NALCN: variants seen among roughly 807,000 people sequenced by gnomAD.
NALCN encodes sodium leak channel NALCN.
A neutral mutation model predicts 225.3 loss-of-function variants in NALCN; 111 were observed. The observed-to-expected ratio is 0.49, with a 90% confidence interval of 0.42 to 0.58. The LOEUF (loss-of-function observed/expected upper bound fraction) is 0.58. Among genes scored for constraint, NALCN ranks in the 20% least tolerant of loss-of-function variants. The pLI is 0.00. For synonymous variants in NALCN, 764 were observed against 769.0 expected (o/e 0.99, Z 0.11); for missense variants, 1,378 against 2,202.4 (o/e 0.63, Z 7.49).
At chr13:101,412,045 A>C (rs1572320) in intron 1 of NALCN, among the ~76,000 whole-genome samples, 71,672 of 152,076 alleles carry the variant, frequency 0.47, 20,922 homozygotes, top group East Asian at 0.82. Context: ...GATCACAATG[A>C]TGGTGAAATA....
intron 11 of NALCN, among the ~76,000 whole-genome samples, chr13:101,256,108 C>T (rs1045792472): frequency 3.3e-4 from 50 of 152,282 alleles, no homozygotes; most frequent in Admixed American, 2.8e-3. Context: ...TCTGCCTTGA[C>T]TCCATCAATA....
intron 18 of NALCN, among the ~76,000 whole-genome samples, chr13:101,112,918 T>C (rs1338925818): frequency 6.6e-6 from 1 of 152,082 alleles, no homozygotes; most frequent in Admixed American, 6.6e-5. Context: ...GAAGAACTTA[T>C]ATAATACATC....
At chr13:101,132,930 A>G (rs1433372502) in intron 17 of NALCN, among the ~76,000 whole-genome samples, 7 of 152,164 alleles carry the variant, frequency 4.6e-5, no homozygotes, top group Non-Finnish European at 1.0e-4. Context: ...TTTGTTCTAC[A>G]TATGCATAAT....
At chr13:101,334,292 T>C (rs768492967) in intron 7 of NALCN, among the ~76,000 whole-genome samples, 3 of 147,540 alleles carry the variant, frequency 2.0e-5, no homozygotes, top group Non-Finnish European at 4.4e-5. Context: ...AGAAGGGAGA[T>C]GAGTGCTGCT....
intron 17 of NALCN, among the ~76,000 whole-genome samples, chr13:101,136,347 C>G (rs916301725): frequency 6.6e-6 from 1 of 151,084 alleles, no homozygotes; most frequent in Non-Finnish European, 1.5e-5. Context: ...GGTGCATGTG[C>G]ACAACGTGCA....
At chr13:101,228,378 T>A (rs1302738399) in intron 13 of NALCN, among the ~76,000 whole-genome samples, 1 of 152,212 alleles carries the variant, frequency 6.6e-6, no homozygotes, top group Non-Finnish European at 1.5e-5. Context: ...ATGGTTTGGC[T>A]GTGTCCCCAC....
chr13:101,125,969 A>AAACT (rs1329010781), intron 17 of NALCN, among the ~76,000 whole-genome samples: 3 of 152,236 alleles, frequency 2.0e-5, no homozygotes, highest in Non-Finnish European at 4.4e-5. Flanking sequence ...AGAAGACAGA[A>AAACT]AACTCTGTAT....
rs779922112 is a variant in NALCN, at chr13:101,143,108, A to G, written c.2090T>C (p.Ile697Thr). The G allele has an allele frequency of 6.2e-7, 1 of 1,614,148 alleles. No homozygotes were observed. The highest frequency in any genetic ancestry group is 1.1e-5 in the South Asian group (1 of 91,074). Reference sequence around the variant, plus strand: ...TTGGTCGATGTATTTGTTGTCCTCAATTGCTGAGCGTTTGGAGTGGTCGCA... The same window carrying G: ...TTGGTCGATGTATTTGTTGTCCTCAGTTGCTGAGCGTTTGGAGTGGTCGCA... ...SSCDHSKRSA[I>T]EDNKYIDQKL... Residue 697 changes from isoleucine to threonine, a missense_variant, in exon 17 of 44, where the codon ATT (isoleucine) becomes ACT (threonine). Ile to Thr is a moderately conservative substitution (Grantham distance 89, BLOSUM62 -1). Around this residue, in one of 19 missense-constraint regions of NALCN, gnomAD observed 100 missense variants for 89.4 expected, o/e 1.12. Coordinates refer to ENST00000251127, the MANE Select transcript of NALCN (RefSeq NM_052867.4).
chr13:101,253,310 G>A (rs893466857), intron 11 of NALCN, among the ~76,000 whole-genome samples: 1 of 152,160 alleles, frequency 6.6e-6, no homozygotes, highest in Non-Finnish European at 1.5e-5. Flanking sequence ...TAGACTGTGA[G>A]TTGGCTCTTA....
At chr13:101,064,317 C>A (rs1012095025) in intron 40 of NALCN, among the ~76,000 whole-genome samples, 1 of 152,082 alleles carries the variant, frequency 6.6e-6, no homozygotes, top group Non-Finnish European at 1.5e-5. Context: ...CCTTGCAAGT[C>A]CATGGGCCTC....
At chr13:101,310,981 C>G (rs2044321294) in intron 7 of NALCN, among the ~76,000 whole-genome samples, 1 of 152,084 alleles carries the variant, frequency 6.6e-6, no homozygotes, top group Admixed American at 6.5e-5. Context: ...ATTGATTCTT[C>G]CTACCCATGA....
At chr13:101,397,584 G>T (rs544961729) in intron 2 of NALCN, among the ~76,000 whole-genome samples, 25 of 150,928 alleles carry the variant, frequency 1.7e-4, no homozygotes, top group Non-Finnish European at 3.2e-4. Flanking sequence ...ACATATATGT[G>T]TATGTGTAAT....
intron 17 of NALCN, 108 bp from the exon 18 acceptor site, chr13:101,124,789 C>CAGATCGGAA: frequency 1.1e-6 from 1 of 936,268 alleles, no homozygotes; most frequent in Non-Finnish European, 1.7e-6. Context: ...GAATATGTTT[C>CAGATCGGAA]GCTAAAGCAT....
chr13:101,232,088 T>G (rs2041370903), intron 12 of NALCN, among the ~76,000 whole-genome samples: 1 of 151,226 alleles, frequency 6.6e-6, no homozygotes, highest in African/African-American at 2.4e-5. Flanking sequence ...TGCCTTCACA[T>G]AGAGAAAACC....
intron 15 of NALCN, among the ~76,000 whole-genome samples, chr13:101,175,259 G>GT (rs762153298): frequency 0.036 from 5,176 of 144,560 alleles, 91 homozygotes; most frequent in Middle Eastern, 0.068. Context: ...TGTTTGTTCT[G>GT]TTTTTTTTTT....
chr13:101,310,139 T>C (rs573686890), intron 7 of NALCN, among the ~76,000 whole-genome samples: 2 of 152,290 alleles, frequency 1.3e-5, no homozygotes, highest in Admixed American at 1.3e-4. Flanking sequence ...GACAGTCTCT[T>C]CTGTCATTGC....
chr13:101,143,062 C>T lies in NALCN; in HGVS notation c.2118+18G>A, dbSNP rs549999097. The T allele has an allele frequency of 6.8e-6, 11 of 1,613,854 alleles. No homozygotes were observed. The highest frequency in any genetic ancestry group is 1.7e-5 in the Admixed American group (1 of 60,002). On this transcript the variant is annotated intron_variant, in intron 17 of 43. Coordinates refer to ENST00000251127, the MANE Select transcript of NALCN (RefSeq NM_052867.4). ...GATGCTTTTTAGAAGCCTGGTTATT[C>T]GAAACAGCAGATCTTACTTTTTGGT...
intron 14 of NALCN, among the ~76,000 whole-genome samples, chr13:101,191,052 T>C (rs1179507276): frequency 6.6e-6 from 1 of 152,180 alleles, no homozygotes; most frequent in Non-Finnish European, 1.5e-5. Context: ...TTCCAAAGAT[T>C]AGCAATAATA....
intron 28 of NALCN, among the ~76,000 whole-genome samples, chr13:101,095,072 T>C (rs2034431740): frequency 6.6e-6 from 1 of 152,158 alleles, no homozygotes; most frequent in South Asian, 2.1e-4. Flanking sequence ...GAAAAAGGAA[T>C]ATTAAAGGGA....
Sources: gnomAD v4.1 joint callset for allele counts (sites outside exome capture counted in the v4.1 genomes callset) on GRCh38, gnomAD v4.1.1 for gene constraint, gnomAD v4.1.1 regional missense constraint, MANE v1.5 for transcripts, NCBI Gene and HGNC (gene_info 2026-07-23, HGNC 2026-07-21) for gene names.